The following CCDC187 variants were observed in gnomAD, a reference collection of about 807,000 sequenced individuals.
CCDC187 encodes the protein coiled-coil domain containing 187, also known as coiled-coil domain-containing protein 187.
CCDC187 carries 32 observed loss-of-function variants against 38.0 expected under a neutral mutation model. The observed-to-expected ratio is 0.84, with a 90% CI of 0.64 to 1.13. The LOEUF (loss-of-function observed/expected upper bound fraction) is 1.13, where lower values mean the gene tolerates loss of function less well. Ranked by LOEUF, CCDC187 falls within the 50% of genes most tolerant of loss-of-function variation. The probability of loss-of-function intolerance (pLI) is 0.00; values close to 1 mark genes in which losing one functional copy is unlikely to be tolerated. For missense variants in CCDC187, 707 were observed against 786.8 expected, an observed-to-expected ratio of 0.90 and a Z score of 1.21; for synonymous variants, 333 against 347.9, an observed-to-expected ratio of 0.96 and a Z score of 0.48.
At position 136,258,210 on chromosome 9, in the gene CCDC187, G is replaced by A. The variant is rs1422522273; in HGVS notation, c.4366+722C>T. 6.6e-6 allele frequency among the ~76,000 whole-genome samples: 1 copy of A among 152,156 alleles called. No homozygotes were observed. The highest frequency in any genetic ancestry group is 1.5e-5 in the Non-Finnish European group (1 of 68,006). The stretch of plus-strand genomic sequence containing the variant: ...CTCTCCAGGGAGCCCCACCAGCCAC[G>A]CTCTCCTGGGCAGCCCCACAAGTGC... On this transcript the variant is annotated intron_variant, in intron 22 of 25. Coordinates refer to ENST00000638797, the MANE Select transcript of CCDC187 (RefSeq NM_001378188.1). This position sits in a 1 kb window ranked among gnomAD's most constrained non-coding sequence, Gnocchi z 4.3.
intron 14 of CCDC187, among the ~76,000 whole-genome samples, chr9:136,272,825 G>GA (rs1316663972): frequency 1.3e-5 from 2 of 151,370 alleles, no homozygotes; most frequent in Non-Finnish European, 2.9e-5. Flanking sequence ...AGTGAGCCGA[G>GA]ATCTCACCAC....
At chr9:136,300,411 CATTT>C in intron 2 of CCDC187, 93 bp from the exon 3 acceptor site, 29 of 392,318 alleles carry the variant, frequency 7.4e-5, no homozygotes, top group Middle Eastern at 6.5e-4. Context: ...AGCTCAAGAG[CATTT>C]ATTTATTTAT....
At chr9:136,271,715 C>A (rs1182045191) in intron 14 of CCDC187, among the ~76,000 whole-genome samples, 1 of 147,784 alleles carries the variant, frequency 6.8e-6, no homozygotes, top group Non-Finnish European at 1.5e-5. Context: ...TCACGCCATT[C>A]TCCTGCCTCA....
At chr9:136,263,201 C>T (rs1476193941) in intron 18 of CCDC187, among the ~76,000 whole-genome samples, 1 of 151,346 alleles carries the variant, frequency 6.6e-6, no homozygotes, top group Non-Finnish European at 1.5e-5. Flanking sequence ...TCTGCCCCAC[C>T]CCACCCCCCA....
Position 136,257,576 on chromosome 9 carries a change from G to T in CCDC187, c.4367-735C>A, listed in dbSNP as rs1025604013. ...CCAGTGCACCGCCGGGGATCACAAA[G>T]GGGGACAAAGGGACGGGTGGGGCCA... On this transcript the variant is annotated intron_variant, in intron 22 of 25. Coordinates refer to ENST00000638797, the MANE Select transcript of CCDC187 (RefSeq NM_001378188.1). The surrounding 1 kb of genome is among the most constrained non-coding windows in gnomAD (Gnocchi z 4.5). Among the ~76,000 whole-genome samples, 1 of 152,110 alleles carries T rather than the reference G, an allele frequency of 6.6e-6. No individual in the cohort carries two copies. The highest frequency in any genetic ancestry group is 2.4e-5 in the African/African-American group (1 of 41,408).
intron 23 of CCDC187, 63 bp from the exon 24 acceptor site, chr9:136,256,386 T>A: frequency 1.2e-6 from 1 of 808,902 alleles, no homozygotes; most frequent in Non-Finnish European, 1.5e-6. Context: ...CCACCTCCCG[T>A]AGCTGGATGG....
Position 136,255,647 on chromosome 9 carries a change from G to A in CCDC187, c.4693+10C>T, listed in dbSNP as rs946254347. ...ATGGCTGAAGGAGGGGCTGGGGGCTGGGGCATTACCTGGGGAGGCAGCGGC... is the reference window on the plus strand; with the variant it reads ...ATGGCTGAAGGAGGGGCTGGGGGCTAGGGCATTACCTGGGGAGGCAGCGGC... On this transcript the variant is annotated intron_variant, in intron 25 of 25. Transcript: ENST00000638797. 8 of 983,948 alleles carry A rather than the reference G, an allele frequency of 8.1e-6. No individual in the cohort carries two copies. Among genetic ancestry groups the A allele is most frequent in the Non-Finnish European group, 9.7e-6 (8 of 828,534 alleles). The allele number at this position is 983,948 out of a possible 1,614,324, so 61.0% of individuals were successfully genotyped here.
At chr9:136,292,378 C>T in intron 4 of CCDC187, 83 bp from the exon 5 acceptor site, 1 of 398,022 alleles carries the variant, frequency 2.5e-6, no homozygotes, top group East Asian at 3.6e-5. Context: ...GGTGGCTCTG[C>T]AAGCGCCAGG....
chr9:136,300,186 G>T, intron 3 of CCDC187, 34 bp downstream of exon 3: 1 of 398,484 alleles, frequency 2.5e-6, no homozygotes, highest in Non-Finnish European at 4.4e-6. Flanking sequence ...CATCCAACCC[G>T]GAGCACCAGG....
chr9:136,275,993 C>G (rs904779365), intron 12 of CCDC187, among the ~76,000 whole-genome samples: 19 of 152,184 alleles, frequency 1.2e-4, no homozygotes, highest in Non-Finnish European at 2.2e-4. Flanking sequence ...GCCAGCGCCC[C>G]CAGGACACAT....
In CCDC187 at chr9:136,254,001, C is replaced by G. The variant is rs572697724; in HGVS notation, c.5827G>C (p.Ala1943Pro). The G allele has an allele frequency of 4.1e-6, 4 of 978,372 alleles. No homozygotes were observed. In the East Asian group the frequency reaches 3.4e-4, roughly 83 times the overall value. 60.6% of individuals were successfully genotyped at this position (978,372 alleles called of 1,614,324 possible). The change falls in exon 26 of 26, where the codon GCT becomes CCT. Residue 1943 changes from alanine (A) to proline (P), a missense_variant. Transcript: ENST00000638797. ...AGCCTGCCTGGGTCCCCAGGAGGAG[C>G]CTGCAGGGTCACCGGGGTCTCGGGC... ...PEPETPVTLQ[A>P]PPGDPGRLAP...
rs1227214779 is a variant in CCDC187, at chr9:136,293,458, C to G, written c.833-1163G>C. ...GCTCACACACTCACACATGCTCACA[C>G]TCACACTCACATGCTCACACACTCA... On this transcript the variant is annotated intron_variant, in intron 4 of 25. Coordinates refer to ENST00000638797, the MANE Select transcript of CCDC187 (RefSeq NM_001378188.1). 3.6e-4 allele frequency among the ~76,000 whole-genome samples: 20 copies of G among 55,060 alleles called. 1 individual carries two copies. The highest frequency in any genetic ancestry group is 1.2e-3 in the African/African-American group (20 of 16,040). 36.1% of individuals were successfully genotyped at this position (55,060 alleles called of 152,430 possible). A position where few individuals can be genotyped will look rare whatever the true frequency, so the allele number is the denominator to read the frequency against.
intron 12 of CCDC187, among the ~76,000 whole-genome samples, 198 bp downstream of exon 12, chr9:136,275,996 G>A (rs879197488): frequency 0.084 from 12,820 of 152,198 alleles, 687 homozygotes; most frequent in South Asian, 0.19. Flanking sequence ...AGCGCCCCCA[G>A]GACACATGTG....
rs1554759967 is a variant in CCDC187, at chr9:136,254,155, A to G, written c.5673T>C (p.Pro1891=). ...CCCCTTCACTCAAAGAGGTCCACGA[A>G]GGAAAGACCAGCAGTGAGTCCGAGT... The part of the protein sequence containing the change: ...AGDSDSLLVF[P]SWTSLSEGAD... Residue 1891 remains proline, a synonymous_variant, in exon 26 of 26, where the codon CCT becomes CCC. Transcript: ENST00000638797. 3.0e-6 allele frequency: 3 copies of G among 985,316 alleles called. No individual in the cohort carries two copies. The African/African-American group carries it at 5.2e-5, about 17-fold the overall frequency. 61.0% of individuals were successfully genotyped at this position (985,316 alleles called of 1,614,324 possible). A position where few individuals can be genotyped will look rare whatever the true frequency, so the allele number is the denominator to read the frequency against.
chr9:136,250,756 C>T lies in CCDC187; in HGVS notation c.*2838G>A, dbSNP rs1564302505. 1 of 456,206 alleles carries T rather than the reference C, an allele frequency of 2.2e-6. No individual in the cohort carries two copies. The highest frequency in any genetic ancestry group is 2.0e-5 in the African/African-American group (1 of 50,096). 28.3% of individuals were successfully genotyped at this position (456,206 alleles called of 1,614,324 possible). A position where few individuals can be genotyped will look rare whatever the true frequency, so the allele number is the denominator to read the frequency against. ...TGGCCCGAGCTGGGCTTCCTGTGCA[C>T]ATGGTGAATGGGGACCCTGACACAG... On this transcript the variant is annotated 3_prime_UTR_variant, in exon 26 of 26. Coordinates refer to ENST00000638797, the MANE Select transcript of CCDC187 (RefSeq NM_001378188.1).
intron 15 of CCDC187, 176 bp from the exon 16 acceptor site, chr9:136,267,687 C>T: frequency 1.1e-6 from 1 of 925,024 alleles, no homozygotes; most frequent in Non-Finnish European, 1.3e-6. Context: ...CCCTATGCCG[C>T]CCTCGCTTCC....
In CCDC187 at chr9:136,264,543, G is replaced by A. The variant is rs552035906; in HGVS notation, c.3736-745C>T. Reference sequence around the variant, plus strand: ...GGTGCCTGCCTTTTCCTGTTTCTCCGTATCTGAGAGGACCTGTGCATGGGT... The same window carrying A: ...GGTGCCTGCCTTTTCCTGTTTCTCCATATCTGAGAGGACCTGTGCATGGGT... On this transcript the variant is annotated intron_variant, in intron 17 of 25. Transcript: ENST00000638797. This position sits in a 1 kb window ranked among gnomAD's most constrained non-coding sequence, Gnocchi z 4.3. Among the ~76,000 whole-genome samples, 14 of 152,196 alleles carry A rather than the reference G, an allele frequency of 9.2e-5. No homozygotes were observed. The highest frequency in any genetic ancestry group is 4.2e-4 in the South Asian group (2 of 4,808).
chr9:136,285,452 CAGGTGGGCAGGCGGGCAGGTGGGCAGGT>C (rs1831155333), intron 9 of CCDC187, 33 bp downstream of exon 9: 30 of 35,648 alleles, frequency 8.4e-4, no homozygotes, highest in African/African-American at 3.9e-3. Flanking sequence ...GGCAGGTGGG[CAGGTGGGCAGGCGGGCAGGTGGGCAGGT>C]GGGCAGGTGG....
At chr9:136,292,637 A>G (rs1335760939) in intron 4 of CCDC187, among the ~76,000 whole-genome samples, 14 of 152,194 alleles carry the variant, frequency 9.2e-5, no homozygotes, top group Admixed American at 9.2e-4. Context: ...CCGGGCACGC[A>G]GCACATGTGA....
Sources: gnomAD v4.1 joint callset for allele counts (sites outside exome capture counted in the v4.1 genomes callset) on GRCh38, gnomAD v4.1.1 for gene constraint, Gnocchi (gnomAD v3.1) non-coding constraint, MANE v1.5 for transcripts, NCBI Gene and HGNC (gene_info 2026-07-23, HGNC 2026-07-21) for gene names.